Variants in MOB3B observed in about 807,000 individuals in gnomAD.
MOB3B encodes the protein MOB kinase activator 3B, also known as MOB kinase activator-like 2B.
MOB3B carries 7 observed loss-of-function variants against 18.7 expected under a neutral mutation model. The ratio of observed to expected loss-of-function variants is 0.37; its 90% CI spans 0.21 to 0.70. The LOEUF is 0.70. Ranked by LOEUF, MOB3B falls within the 30% of genes least tolerant of loss-of-function variation. The pLI is 0.52. For missense variants in MOB3B, 253 were observed against 281.3 expected, an observed-to-expected ratio of 0.90 and a Z score of 0.72; for synonymous variants, 111 against 99.9, an observed-to-expected ratio of 1.11 and a Z score of -0.66.
intron 2 of MOB3B, among the ~76,000 whole-genome samples, chr9:27,409,232 C>A (rs1448450096): frequency 6.6e-6 from 1 of 152,180 alleles, no homozygotes; most frequent in Non-Finnish European, 1.5e-5. Flanking sequence ...CACAAAACAG[C>A]CTAAAGCTCC....
At chr9:27,416,725 A>G (rs1822155817) in intron 2 of MOB3B, among the ~76,000 whole-genome samples, 1 of 151,668 alleles carries the variant, frequency 6.6e-6, no homozygotes, top group Admixed American at 6.6e-5. Flanking sequence ...TTGTAGAGGC[A>G]GGATCTTGCT....
At chr9:27,356,001 G>A (rs28672977) in intron 3 of MOB3B, among the ~76,000 whole-genome samples, 16,397 of 152,076 alleles carry the variant, frequency 0.11, 1,128 homozygotes, top group African/African-American at 0.19. Flanking sequence ...TGGTCATTTC[G>A]GCAATAGCAA....
intron 2 of MOB3B, among the ~76,000 whole-genome samples, chr9:27,384,879 G>A (rs555851939): frequency 2.6e-5 from 4 of 152,248 alleles, no homozygotes; most frequent in South Asian, 2.1e-4. Flanking sequence ...AGGGTGAGAC[G>A]CTGAGCCTGG....
chr9:27,377,424 G>T (rs1179990759), intron 2 of MOB3B, among the ~76,000 whole-genome samples: 1 of 152,134 alleles, frequency 6.6e-6, no homozygotes, highest in Non-Finnish European at 1.5e-5. Context: ...TAGAGAGCCG[G>T]GCTTGGTCAT....
At chr9:27,357,717 A>G (rs1181112001) in intron 3 of MOB3B, among the ~76,000 whole-genome samples, 9 of 151,588 alleles carry the variant, frequency 5.9e-5, no homozygotes, top group Non-Finnish European at 1.5e-5. Context: ...TCTCTTTTCA[A>G]TGACAATCAT....
intron 2 of MOB3B, among the ~76,000 whole-genome samples, chr9:27,423,292 C>A (rs1160552337): frequency 6.6e-6 from 1 of 151,762 alleles, no homozygotes. Context: ...CATTAAAAGT[C>A]TTTTGGTAAA....
At chr9:27,412,457 T>C (rs550993638) in intron 2 of MOB3B, among the ~76,000 whole-genome samples, 3 of 152,350 alleles carry the variant, frequency 2.0e-5, no homozygotes, top group Non-Finnish European at 2.9e-5. Flanking sequence ...TCTTTATCTA[T>C]ACTTCAGTGC....
Position 27,378,940 on chromosome 9 carries a change from G to A in MOB3B, c.419-19704C>T, listed in dbSNP as rs191464637. Among the ~76,000 whole-genome samples, 3 of 152,328 alleles carry A rather than the reference G, an allele frequency of 2.0e-5. No homozygotes were observed. In the East Asian group the frequency reaches 5.8e-4, roughly 29 times the overall value. ...ACGTCTTCTGAGCTCAAAGCTCAAA[G>A]CTTGCTCTCTTTCCACTGCTCTGTT... On this transcript the variant is annotated intron_variant, in intron 2 of 3. Coordinates refer to ENST00000262244, the MANE Select transcript of MOB3B (RefSeq NM_024761.5).
At chr9:27,511,030 T>C (rs1820134235) in intron 1 of MOB3B, among the ~76,000 whole-genome samples, 1 of 152,094 alleles carries the variant, frequency 6.6e-6, no homozygotes, top group Non-Finnish European at 1.5e-5. Flanking sequence ...CATAAACAGT[T>C]TCCAGCAGCT....
intron 1 of MOB3B, among the ~76,000 whole-genome samples, chr9:27,498,571 A>C (rs147226930): frequency 6.6e-6 from 1 of 152,330 alleles, no homozygotes; most frequent in East Asian, 1.9e-4. Context: ...GGTTTTGTTC[A>C]TGTGCCTAAT....
intron 2 of MOB3B, among the ~76,000 whole-genome samples, chr9:27,402,972 C>T (rs1821908053): frequency 6.6e-6 from 1 of 152,180 alleles, no homozygotes; most frequent in Non-Finnish European, 1.5e-5. Context: ...AATTTTTGTC[C>T]TAAGAGCCTG....
In MOB3B at chr9:27,328,077, GAAGAA is replaced by G. The variant is rs1820737159; in HGVS notation, c.*2505_*2509del. 1 of 150,772 alleles carries G rather than the reference GAAGAA, an allele frequency of 6.6e-6. No individual in the cohort carries two copies. The highest frequency in any genetic ancestry group is 2.4e-5 in the African/African-American group (1 of 41,008). 9.3% of individuals were successfully genotyped at this position (150,772 alleles called of 1,614,324 possible). On this transcript the variant is annotated 3_prime_UTR_variant, in exon 4 of 4. Coordinates refer to ENST00000262244, the MANE Select transcript of MOB3B (RefSeq NM_024761.5). ...ACCCCTTCTCTTAAAAAAAAAAAAGGAAGAAAAGAAAACAAGGCAAAACATTAACA... is the reference window on the plus strand; with the variant it reads ...ACCCCTTCTCTTAAAAAAAAAAAAGGAAGAAAACAAGGCAAAACATTAACA...
At chr9:27,482,189 G>C (rs537082173) in intron 1 of MOB3B, among the ~76,000 whole-genome samples, 1 of 152,126 alleles carries the variant, frequency 6.6e-6, no homozygotes, top group Non-Finnish European at 1.5e-5. Flanking sequence ...TGTAATTTCC[G>C]CCCTGTTCAA....
At chr9:27,492,619 T>A (rs1011035683) in intron 1 of MOB3B, among the ~76,000 whole-genome samples, 1 of 152,234 alleles carries the variant, frequency 6.6e-6, no homozygotes, top group African/African-American at 2.4e-5. Flanking sequence ...AACTGATAAC[T>A]GCCAGGCATC....
At chr9:27,380,131 C>T (rs916169347) in intron 2 of MOB3B, among the ~76,000 whole-genome samples, 7 of 152,170 alleles carry the variant, frequency 4.6e-5, no homozygotes, top group African/African-American at 9.7e-5. Flanking sequence ...TCACCCACCA[C>T]GAGGTCTATG....
chr9:27,481,556 C>T (rs1312359916), intron 1 of MOB3B, among the ~76,000 whole-genome samples: 1 of 126,288 alleles, frequency 7.9e-6, no homozygotes, highest in Non-Finnish European at 1.6e-5. Flanking sequence ...CTAGCTCTGT[C>T]GCCCAGGCTG....
At position 27,529,587 on chromosome 9, in the gene MOB3B, C is replaced by A. The variant is rs778596070; in HGVS notation, c.-231G>T. On this transcript the variant is annotated 5_prime_UTR_variant, in exon 1 of 4. Coordinates refer to ENST00000262244, the MANE Select transcript of MOB3B (RefSeq NM_024761.5). ...TTTTACCTCCAGCCCAGGGCCCGGTCGGCTCCCTTCGCCGGGTCAGCTGCA... is the reference window on the plus strand; with the variant it reads ...TTTTACCTCCAGCCCAGGGCCCGGTAGGCTCCCTTCGCCGGGTCAGCTGCA... 9.3e-5 allele frequency: 92 copies of A among 985,612 alleles called. No individual in the cohort carries two copies. Among genetic ancestry groups the A allele is most frequent in the Admixed American group, 7.4e-4 (12 of 16,270 alleles). 61.1% of individuals were successfully genotyped at this position (985,612 alleles called of 1,614,324 possible). A position where few individuals can be genotyped will look rare whatever the true frequency, so the allele number is the denominator to read the frequency against.
rs537469554 is a variant in MOB3B, at chr9:27,385,262, A to C, written c.419-26026T>G. ...TTTTTTATAGCAAAGTAGGACACAC[A>C]AAACAACAGTGATTCTTTTTTGCCA... On this transcript the variant is annotated intron_variant, in intron 2 of 3. Coordinates refer to ENST00000262244, the MANE Select transcript of MOB3B (RefSeq NM_024761.5). Among the ~76,000 whole-genome samples, 246 of 152,340 alleles carry C rather than the reference A, an allele frequency of 1.6e-3. 1 individual carries two copies. Among genetic ancestry groups the C allele is most frequent in the African/African-American group, 5.7e-3 (235 of 41,568 alleles).
At chr9:27,471,337 G>C (rs1819468120) in intron 1 of MOB3B, among the ~76,000 whole-genome samples, 1 of 152,182 alleles carries the variant, frequency 6.6e-6, no homozygotes, top group Admixed American at 6.5e-5. Flanking sequence ...AAAGTCCTTG[G>C]GGGAAAGGAG....
Sources: gnomAD v4.1 joint callset for allele counts (sites outside exome capture counted in the v4.1 genomes callset) on GRCh38, gnomAD v4.1.1 for gene constraint, MANE v1.5 for transcripts, NCBI Gene and HGNC (gene_info 2026-07-23, HGNC 2026-07-21) for gene names.